Variants in RAB21 observed in about 807,000 individuals in gnomAD.
The protein encoded by RAB21 is ras-related protein Rab-21.
Under a neutral mutation model 33.1 loss-of-function variants are expected in RAB21, and 13 were observed. The ratio of observed to expected loss-of-function variants is 0.39; its 90% CI spans 0.26 to 0.62. The LOEUF is 0.62. Among genes scored for constraint, RAB21 ranks in the 20% least tolerant of loss-of-function variants. The probability of loss-of-function intolerance (pLI) is 0.48; values close to 1 mark genes in which losing one functional copy is unlikely to be tolerated. For missense variants in RAB21, 234 were observed against 279.1 expected (o/e 0.84, Z 1.15); for synonymous variants, 91 against 103.7 (o/e 0.88, Z 0.74).
rs932354852 is a variant in RAB21 at position 71,788,525 on chromosome 12, A to G, written c.*2852A>G. 1 of 152,168 alleles carries G rather than the reference A, an allele frequency of 6.6e-6. No individual in the cohort carries two copies. Among genetic ancestry groups the G allele is most frequent in the Non-Finnish European group, 1.5e-5 (1 of 68,024 alleles). The allele number at this position is 152,168 out of a possible 1,614,324, so 9.4% of individuals were successfully genotyped here. ...ATATATACAAAGGAAAGACAAAGAG[A>G]TGATAAACCAAGGCTGAGGAAATTT... On this transcript the variant is annotated 3_prime_UTR_variant, in exon 7 of 7. Coordinates refer to ENST00000261263, the MANE Select transcript of RAB21 (RefSeq NM_014999.4).
In RAB21 at chr12:71,797,495, T is replaced by C. The variant is rs1883478238; in HGVS notation, c.*11822T>C. 1 of 151,188 alleles carries C rather than the reference T, an allele frequency of 6.6e-6. No homozygotes were observed. Among genetic ancestry groups the C allele is most frequent in the African/African-American group, 2.4e-5 (1 of 41,146 alleles). 9.4% of individuals were successfully genotyped at this position (151,188 alleles called of 1,614,324 possible). On this transcript the variant is annotated 3_prime_UTR_variant, in exon 7 of 7. Coordinates refer to ENST00000261263, the MANE Select transcript of RAB21 (RefSeq NM_014999.4). ...GAAAATAAATTCAAACACATGGAGA[T>C]GCATATCATATTCTTGGATAGGAAG...
intron 1 of RAB21, among the ~76,000 whole-genome samples, chr12:71,764,689 T>C (rs1460068679): frequency 3.3e-5 from 5 of 152,210 alleles, no homozygotes; most frequent in African/African-American, 7.2e-5. Flanking sequence ...CTCTCACTTA[T>C]AAGTGAGAAC....
chr12:71,775,176 G>T (rs1883101959), intron 4 of RAB21, among the ~76,000 whole-genome samples: 1 of 152,156 alleles, frequency 6.6e-6, no homozygotes, highest in Non-Finnish European at 1.5e-5. Context: ...GATATCACAA[G>T]TATTGAACAA....
rs1054379485 is a variant in RAB21, at chr12:71,796,705, G to A, written c.*11032G>A. The A allele has an allele frequency of 1.0e-5, 1 of 96,068 alleles. No homozygotes were observed. Among genetic ancestry groups the A allele is most frequent in the Non-Finnish European group, 1.9e-5 (1 of 51,548 alleles). 6.0% of individuals were successfully genotyped at this position (96,068 alleles called of 1,614,324 possible). A position where few individuals can be genotyped will look rare whatever the true frequency, so the allele number is the denominator to read the frequency against. On this transcript the variant is annotated 3_prime_UTR_variant, in exon 7 of 7. Coordinates refer to ENST00000261263, the MANE Select transcript of RAB21 (RefSeq NM_014999.4). The stretch of plus-strand genomic sequence containing the variant: ...CCTAATAAGTGTGTAGTTTTTAAGT[G>A]AAATCATACATAATTTCAAGGAAAC...
At chr12:71,769,585 A>G (rs960593592) in intron 1 of RAB21, among the ~76,000 whole-genome samples, 7 of 152,292 alleles carry the variant, frequency 4.6e-5, no homozygotes, top group Non-Finnish European at 7.4e-5. Flanking sequence ...TGTGTTTTGT[A>G]TAACCTATTT....
rs1883517154 is a variant in RAB21 at position 71,800,025 on chromosome 12, A to T, written c.*14352A>T. The T allele has an allele frequency of 6.6e-6, 1 of 151,668 alleles. No homozygotes were observed. The highest frequency in any genetic ancestry group is 2.1e-4 in the South Asian group (1 of 4,816). The allele number at this position is 151,668 out of a possible 1,614,324, so 9.4% of individuals were successfully genotyped here. ...GAGGCGGAGGTTGCAGTGAGCCAAGATCATGCCCCTGTACTCCAGCCTGAG... is the reference window on the plus strand; with the variant it reads ...GAGGCGGAGGTTGCAGTGAGCCAAGTTCATGCCCCTGTACTCCAGCCTGAG... On this transcript the variant is annotated 3_prime_UTR_variant, in exon 7 of 7. Coordinates refer to ENST00000261263, the MANE Select transcript of RAB21 (RefSeq NM_014999.4).
In RAB21 at chr12:71,775,135, G is replaced by C. The variant is rs1592647638; in HGVS notation, c.391+1113G>C. 2.0e-5 allele frequency among the ~76,000 whole-genome samples: 3 copies of C among 152,108 alleles called. No individual in the cohort carries two copies. The South Asian group carries it at 6.2e-4, about 32-fold the overall frequency. On this transcript the variant is annotated intron_variant, in intron 4 of 6. Transcript: ENST00000261263. ...TTTGGACTTCTGGAATTTCTCTTTG[G>C]TTCCCTTTTTCTTTAGATTATTATT...
At chr12:71,762,607 G>T (rs1011223815) in intron 1 of RAB21, among the ~76,000 whole-genome samples, 1 of 152,018 alleles carries the variant, frequency 6.6e-6, no homozygotes, top group Non-Finnish European at 1.5e-5. Context: ...TCCTGAGATG[G>T]TGTATCGCCC....
rs909658705 is a variant in RAB21 at position 71,799,422 on chromosome 12, G to A, written c.*13749G>A. ...CATTGAAAGCTGACTGATCTGGAGG[G>A]CAATTGGGCAACAGCAATCAAAATT... On this transcript the variant is annotated 3_prime_UTR_variant, in exon 7 of 7. Transcript: ENST00000261263. 1 of 152,172 alleles carries A rather than the reference G, an allele frequency of 6.6e-6. No individual in the cohort carries two copies. Among genetic ancestry groups the A allele is most frequent in the Non-Finnish European group, 1.5e-5 (1 of 68,038 alleles). The allele number at this position is 152,172 out of a possible 1,614,324, so 9.4% of individuals were successfully genotyped here. A position where few individuals can be genotyped will look rare whatever the true frequency, so the allele number is the denominator to read the frequency against.
chr12:71,763,426 T>TA (rs1399916941), intron 1 of RAB21, among the ~76,000 whole-genome samples: 1 of 152,166 alleles, frequency 6.6e-6, no homozygotes, highest in African/African-American at 2.4e-5. Flanking sequence ...ATTTCTCTCT[T>TA]ATAATCCTTT....
chr12:71,766,975 A>T (rs2137644583), intron 1 of RAB21, among the ~76,000 whole-genome samples: 2 of 152,328 alleles, frequency 1.3e-5, no homozygotes, highest in South Asian at 4.1e-4. Flanking sequence ...CAACTTTTAT[A>T]AAGAAGCAGC....
Position 71,794,427 on chromosome 12 carries a change from A to ATAT in RAB21, c.*8755_*8756insATT, listed in dbSNP as rs1883435502. ...ATATTATATATATATATATATATAT[A>ATAT]TTTTTTTTTTTTTTTTTTTTTTTTT... On this transcript the variant is annotated 3_prime_UTR_variant, in exon 7 of 7. Coordinates refer to ENST00000261263, the MANE Select transcript of RAB21 (RefSeq NM_014999.4). The ATAT allele has an allele frequency of 1.8e-4, 5 of 27,968 alleles. No individual in the cohort carries two copies. Among genetic ancestry groups the ATAT allele is most frequent in the East Asian group, 1.1e-3 (1 of 902 alleles). The allele number at this position is 27,968 out of a possible 1,614,324, so 1.7% of individuals were successfully genotyped here. A position where few individuals can be genotyped will look rare whatever the true frequency, so the allele number is the denominator to read the frequency against.
chr12:71,794,427 A>ATATAT lies in RAB21; in HGVS notation c.*8755_*8756insATATT, dbSNP rs1883435502. The ATATAT allele has an allele frequency of 7.2e-5, 2 of 27,964 alleles. No individual in the cohort carries two copies. The highest frequency in any genetic ancestry group is 2.5e-4 in the African/African-American group (2 of 7,894). 1.7% of individuals were successfully genotyped at this position (27,964 alleles called of 1,614,324 possible). ...ATATTATATATATATATATATATAT[A>ATATAT]TTTTTTTTTTTTTTTTTTTTTTTTT... On this transcript the variant is annotated 3_prime_UTR_variant, in exon 7 of 7. Transcript: ENST00000261263.
Position 71,764,089 on chromosome 12 carries a change from C to A in RAB21, c.160-5711C>A, listed in dbSNP as rs1284013863. On this transcript the variant is annotated intron_variant, in intron 1 of 6. Transcript: ENST00000261263. Reference sequence around the variant, plus strand: ...TTCTCCCCTTCCTATAGTCCTAGAACCTTTTGAATTGGCTATTGTTTAATG... The same window carrying A: ...TTCTCCCCTTCCTATAGTCCTAGAAACTTTTGAATTGGCTATTGTTTAATG... Among the ~76,000 whole-genome samples the A allele has an allele frequency of 2.6e-5, 4 of 152,122 alleles. No homozygotes were observed. In the East Asian group the frequency reaches 7.7e-4, roughly 29 times the overall value.
chr12:71,772,781 A>G (rs2137649395), intron 3 of RAB21, among the ~76,000 whole-genome samples: 1 of 152,340 alleles, frequency 6.6e-6, no homozygotes, highest in African/African-American at 2.4e-5. Flanking sequence ...CTTTGTACAT[A>G]TATGTGAATG....
intron 1 of RAB21, among the ~76,000 whole-genome samples, chr12:71,758,209 GT>G (rs200705405): frequency 0.016 from 2,405 of 150,976 alleles, 55 homozygotes; most frequent in African/African-American, 0.055. Flanking sequence ...ATTTTTGTAT[GT>G]TTAGTAGCGA....
Position 71,790,638 on chromosome 12 carries a change from A to G in RAB21, c.*4965A>G, listed in dbSNP as rs761065108. The G allele has an allele frequency of 9.2e-5, 14 of 152,172 alleles. No homozygotes were observed. Among genetic ancestry groups the G allele is most frequent in the African/African-American group, 3.4e-4 (14 of 41,440 alleles). 9.4% of individuals were successfully genotyped at this position (152,172 alleles called of 1,614,324 possible). A position where few individuals can be genotyped will look rare whatever the true frequency, so the allele number is the denominator to read the frequency against. On this transcript the variant is annotated 3_prime_UTR_variant, in exon 7 of 7. Transcript: ENST00000261263. ...GTAGTGCTCCCAAATGGTAGTAACT[A>G]TTGGTCTCTAGTATATACTCCTCAA... is the stretch of plus-strand genomic sequence containing the variant.
intron 1 of RAB21, among the ~76,000 whole-genome samples, chr12:71,767,171 TG>T (rs1882973429): frequency 6.6e-6 from 1 of 152,204 alleles, no homozygotes; most frequent in Admixed American, 6.5e-5. Flanking sequence ...TCATTGTTTT[TG>T]TTTTTCTATA....
intron 1 of RAB21, 138 bp downstream of exon 1, chr12:71,755,426 C>A: frequency 1.8e-6 from 2 of 1,082,506 alleles, no homozygotes; most frequent in Non-Finnish European, 2.5e-6. Flanking sequence ...TTTACCTTTC[C>A]GAATTCGCCC....
Sources: allele counts gnomAD v4.1 joint callset (sites outside exome capture counted in the v4.1 genomes callset), GRCh38; gene constraint gnomAD v4.1.1; transcripts MANE v1.5; gene names NCBI Gene and HGNC (gene_info 2026-07-23, HGNC 2026-07-21).